RBM33: variants seen among roughly 807,000 people sequenced by gnomAD.
RBM33 encodes RNA-binding protein 33.
Under a neutral mutation model 132.6 loss-of-function variants are expected in RBM33, and 28 were observed. That is an observed-to-expected ratio of 0.21 (90% CI 0.16 to 0.29). The LOEUF is 0.29. Among genes scored for constraint, RBM33 ranks in the 10% least tolerant of loss-of-function variants. The pLI, the probability that RBM33 is intolerant of heterozygous loss-of-function variation, is 1.00. For missense variants in RBM33, 1,291 were observed against 1,518.5 expected (o/e 0.85, Z 2.49); for synonymous variants, 634 against 593.0 (o/e 1.07, Z -1.01).
intron 13 of RBM33, among the ~76,000 whole-genome samples, chr7:155,743,548 C>G (rs1293788470): frequency 6.6e-6 from 1 of 152,148 alleles, no homozygotes; most frequent in Non-Finnish European, 1.5e-5. Context: ...GATTTATTTT[C>G]TTTTAATTTT....
chr7:155,768,639 C>T (rs549143890), intron 16 of RBM33, among the ~76,000 whole-genome samples: 40 of 152,314 alleles, frequency 2.6e-4, no homozygotes, highest in African/African-American at 7.5e-4. Context: ...TTTTTGGAGA[C>T]GGAGTCTCGC....
chr7:155,750,894 A>G (rs1400108165), intron 14 of RBM33, among the ~76,000 whole-genome samples: 1 of 152,154 alleles, frequency 6.6e-6, no homozygotes, highest in Non-Finnish European at 1.5e-5. Flanking sequence ...GAGAAATGGG[A>G]GCAGCACAGA....
rs569625679 is a variant in RBM33, at chr7:155,756,090, A to G, written c.2980-7722A>G. Among the ~76,000 whole-genome samples the G allele has an allele frequency of 9.9e-4, 151 of 152,302 alleles. 1 individual carries two copies. The highest frequency in any genetic ancestry group is 7.5e-4 in the Non-Finnish European group (51 of 68,022). The stretch of plus-strand genomic sequence containing the variant: ...TTTGAAGAGTTAAAAAGCGAACACC[A>G]CCCTGGGAAAATTCAGTTTCAAAGC... On this transcript the variant is annotated intron_variant, in intron 14 of 17. Coordinates refer to ENST00000401878, the MANE Select transcript of RBM33 (RefSeq NM_053043.3).
Position 155,735,737 on chromosome 7 carries a change from C to T in RBM33, c.1261-1793C>T, listed in dbSNP as rs534319536. On this transcript the variant is annotated intron_variant, in intron 9 of 17. Transcript: ENST00000401878. ...TCTCTCTGTCTCTCTCTCTCTCTCT[C>T]TCTCCCTCTCTCAGGAAAAGAGATC... Among the ~76,000 whole-genome samples, 215 of 87,348 alleles carry T rather than the reference C, an allele frequency of 2.5e-3. 4 individuals carry two copies. Among genetic ancestry groups the T allele is most frequent in the African/African-American group, 0.011 (205 of 18,078 alleles). The allele number at this position is 87,348 out of a possible 152,430, so 57.3% of individuals were successfully genotyped here. A position where few individuals can be genotyped will look rare whatever the true frequency, so the allele number is the denominator to read the frequency against.
chr7:155,676,521 G>A (rs1450994945), intron 3 of RBM33, among the ~76,000 whole-genome samples: 1 of 152,064 alleles, frequency 6.6e-6, no homozygotes, highest in Non-Finnish European at 1.5e-5. Context: ...TATGTTCTTG[G>A]GAGTATTGGA....
At chr7:155,658,824 C>T (rs1168259821) in intron 1 of RBM33, among the ~76,000 whole-genome samples, 1 of 152,204 alleles carries the variant, frequency 6.6e-6, no homozygotes, top group African/African-American at 2.4e-5. Context: ...TGGAAGCAAC[C>T]GTTTTGGAAC....
Position 155,737,598 on chromosome 7 carries a change from C to T in RBM33, c.1329C>T (p.Leu443=), listed in dbSNP as rs781664076. Residue 443 remains leucine, a synonymous_variant, in exon 10 of 18, where the codon CTC becomes CTT. Coordinates refer to ENST00000401878, the MANE Select transcript of RBM33 (RefSeq NM_053043.3). The part of the protein sequence containing the change: ...VPNSFSQPPR[L]PLQDQWRAPP... Reference sequence around the variant, plus strand: ...ACAGTTTCAGCCAGCCCCCACGACTCCCTCTCCAGGACCAGTGGAGAGCCC... The same window carrying T: ...ACAGTTTCAGCCAGCCCCCACGACTTCCTCTCCAGGACCAGTGGAGAGCCC... 6 of 1,613,116 alleles carry T rather than the reference C, an allele frequency of 3.7e-6. No individual in the cohort carries two copies. In the African/African-American group the frequency reaches 4.0e-5, roughly 11 times the overall value.
intron 6 of RBM33, among the ~76,000 whole-genome samples, chr7:155,706,027 C>T (rs967411303): frequency 3.9e-5 from 6 of 152,156 alleles, no homozygotes; most frequent in African/African-American, 9.7e-5. Flanking sequence ...ACCTTGACTT[C>T]GGAATGAGTT....
rs763949515 is a variant in RBM33 at position 155,775,182 on chromosome 7, C to T, written c.*141C>T. On this transcript the variant is annotated 3_prime_UTR_variant, in exon 18 of 18. Coordinates refer to ENST00000401878, the MANE Select transcript of RBM33 (RefSeq NM_053043.3). ...CGTAACTGTTCTCCAGAGCGCCAGCCAGCCACGGGCCTGATTCCAGAGGAG... is the reference window on the plus strand; with the variant it reads ...CGTAACTGTTCTCCAGAGCGCCAGCTAGCCACGGGCCTGATTCCAGAGGAG... 1.3e-6 allele frequency: 1 copy of T among 771,884 alleles called. No individual in the cohort carries two copies. The highest frequency in any genetic ancestry group is 2.0e-5 in the Admixed American group (1 of 50,410). 47.8% of individuals were successfully genotyped at this position (771,884 alleles called of 1,614,324 possible).
intron 9 of RBM33, among the ~76,000 whole-genome samples, chr7:155,727,302 G>T (rs1392531181): frequency 6.6e-6 from 1 of 152,106 alleles, no homozygotes; most frequent in Non-Finnish European, 1.5e-5. Context: ...GCTCCTGTTG[G>T]CCAGAGTCTA....
chr7:155,720,950 G>A (rs757288159), intron 9 of RBM33, among the ~76,000 whole-genome samples: 79 of 152,324 alleles, frequency 5.2e-4, no homozygotes, highest in African/African-American at 1.8e-3. Flanking sequence ...CAGGTGGTCT[G>A]TTTGAGTCAG....
intron 14 of RBM33, among the ~76,000 whole-genome samples, chr7:155,751,386 T>C (rs375632909): frequency 1.3e-5 from 2 of 152,298 alleles, no homozygotes; most frequent in Non-Finnish European, 2.9e-5. Context: ...AAAATAAAAA[T>C]TGTTGTGCAC....
In RBM33 at chr7:155,738,380, A is replaced by C. The variant is rs767021343; in HGVS notation, c.1714A>C (p.Thr572Pro). ...AGGCCCAGGACAGCCGTTTCTGCCC[A>C]CACACACACAGCCCAACCTGCAGGT... ...LPGPGQPFLPTHTQPNLQGPL... is the reference protein window; with the variant it reads ...LPGPGQPFLPPHTQPNLQGPL... Residue 572 changes from threonine (T) to proline (P), a missense_variant, in exon 11 of 18, where the codon ACA (threonine) becomes CCA (proline). Physicochemically the swap from Thr to Pro is conservative, Grantham distance 38. This residue lies in a region of RBM33 where 841 missense variants were observed against 912.0 expected (regional missense o/e 0.92). Coordinates refer to ENST00000401878, the MANE Select transcript of RBM33 (RefSeq NM_053043.3). 3.7e-6 allele frequency: 6 copies of C among 1,606,566 alleles called. No individual in the cohort carries two copies. Among genetic ancestry groups the C allele is most frequent in the South Asian group, 1.1e-5 (1 of 90,462 alleles).
chr7:155,726,362 T>G (rs1800795055), intron 9 of RBM33, among the ~76,000 whole-genome samples: 2 of 136,500 alleles, frequency 1.5e-5, no homozygotes, highest in Admixed American at 7.1e-5. Context: ...TTTTTCATCG[T>G]TTTTTTTTTT....
At chr7:155,756,718 G>A (rs749269606) in intron 14 of RBM33, among the ~76,000 whole-genome samples, 42 of 152,170 alleles carry the variant, frequency 2.8e-4, no homozygotes, top group Non-Finnish European at 4.9e-4. Context: ...TGCCGCCCGT[G>A]AGTTGGAGTG....
intron 9 of RBM33, among the ~76,000 whole-genome samples, chr7:155,720,924 T>G (rs535989580): frequency 5.9e-5 from 9 of 152,332 alleles, no homozygotes; most frequent in Non-Finnish European, 1.3e-4. Flanking sequence ...GATGGAACAT[T>G]GAACTTCAAA....
intron 5 of RBM33, among the ~76,000 whole-genome samples, chr7:155,694,215 A>G (rs572732447): frequency 4.6e-5 from 7 of 152,308 alleles, no homozygotes; most frequent in African/African-American, 1.7e-4. Flanking sequence ...TTATTTAACT[A>G]ATGTTCTTCC....
Position 155,739,883 on chromosome 7 carries a change from C to T in RBM33, c.1906C>T (p.His636Tyr). Reference sequence around the variant, plus strand: ...ACAGCACCCGCCGCAGCACCAGCACCACCACCACCACCACCACCTGTCCGT... The same window carrying T: ...ACAGCACCCGCCGCAGCACCAGCACTACCACCACCACCACCACCTGTCCGT... ...PPQHPPQHQH[H>Y]HHHHHLSVPP... The change falls in exon 12 of 18, where the codon CAC becomes TAC. Residue 636 changes from histidine (H) to tyrosine (Y), a missense_variant. His to Tyr is a moderately conservative substitution (Grantham distance 83). Transcript: ENST00000401878. 1 of 1,546,522 alleles carries T rather than the reference C, an allele frequency of 6.5e-7. No homozygotes were observed. Among genetic ancestry groups the T allele is most frequent in the South Asian group, 1.2e-5 (1 of 83,758 alleles).
At chr7:155,724,987 GGTTTGT>G (rs1020488551) in intron 9 of RBM33, among the ~76,000 whole-genome samples, 15 of 107,330 alleles carry the variant, frequency 1.4e-4, no homozygotes, top group South Asian at 9.6e-4. Flanking sequence ...TTTGTGTACA[GGTTTGT>G]GTGTGTGTGT....
Sources: allele counts gnomAD v4.1 joint callset (sites outside exome capture counted in the v4.1 genomes callset), GRCh38; gene constraint gnomAD v4.1.1; regional missense constraint gnomAD v4.1.1; transcripts MANE v1.5; gene names NCBI Gene and HGNC (gene_info 2026-07-23, HGNC 2026-07-21).